The following ASAP2 variants were observed in gnomAD, a reference collection of about 807,000 sequenced individuals.
ASAP2 encodes the protein arf-GAP with SH3 domain, ANK repeat and PH domain-containing protein 2.
A neutral mutation model predicts 131.4 loss-of-function variants in ASAP2; 45 were observed. The ratio of observed to expected loss-of-function variants is 0.34; its 90% CI spans 0.27 to 0.44. The LOEUF is 0.44. Among genes scored for constraint, ASAP2 ranks in the 20% least tolerant of loss-of-function variants. The probability of loss-of-function intolerance (pLI) is 1.00; values close to 1 mark genes in which losing one functional copy is unlikely to be tolerated. For synonymous variants in ASAP2, 510 were observed against 503.0 expected (o/e 1.01, Z -0.19); for missense variants, 1,011 against 1,297.0 (o/e 0.78, Z 3.39).
chr2:9,234,778 A>G (rs886542159), intron 1 of ASAP2, among the ~76,000 whole-genome samples: 8 of 152,202 alleles, frequency 5.3e-5, no homozygotes, highest in Non-Finnish European at 1.2e-4. Flanking sequence ...GCCGATGCAC[A>G]GGGGCCCAGC....
At chr2:9,236,934 A>G (rs1663594879) in intron 1 of ASAP2, among the ~76,000 whole-genome samples, 1 of 152,124 alleles carries the variant, frequency 6.6e-6, no homozygotes, top group Non-Finnish European at 1.5e-5. Context: ...ATCCCCCCCG[A>G]GGCTGGTGTG....
chr2:9,401,483 T>G (rs1298164787), intron 27 of ASAP2, 87 bp downstream of exon 27: 18 of 1,518,976 alleles, frequency 1.2e-5, no homozygotes, highest in Middle Eastern at 2.3e-4. Context: ...GCAGGTGAGG[T>G]TTTCTCAGCC....
intron 1 of ASAP2, among the ~76,000 whole-genome samples, chr2:9,254,225 AAAAAAAAAAAAAT>A (rs1332076854): frequency 2.8e-5 from 3 of 106,920 alleles, no homozygotes; most frequent in South Asian, 2.7e-4. Flanking sequence ...AAAAAAAAAA[AAAAAAAAAAAAAT>A]ATATATATAT....
intron 3 of ASAP2, among the ~76,000 whole-genome samples, chr2:9,312,813 G>A (rs891066831): frequency 1.3e-5 from 2 of 152,102 alleles, no homozygotes; most frequent in South Asian, 2.1e-4. Context: ...CCACCACTGC[G>A]GCCACATGTG....
At chr2:9,294,061 C>T (rs535842729) in intron 2 of ASAP2, among the ~76,000 whole-genome samples, 49 of 148,346 alleles carry the variant, frequency 3.3e-4, no homozygotes, top group African/African-American at 1.0e-3. Context: ...TGCAGTGGTG[C>T]GATCTCTGCC....
At chr2:9,244,076 G>A (rs1558261168) in intron 1 of ASAP2, among the ~76,000 whole-genome samples, 1 of 152,114 alleles carries the variant, frequency 6.6e-6, no homozygotes, top group Non-Finnish European at 1.5e-5. Context: ...GAGGTGGGCG[G>A]CCTATAATCC....
chr2:9,276,540 T>TC (rs896449571), intron 1 of ASAP2, among the ~76,000 whole-genome samples: 1 of 151,984 alleles, frequency 6.6e-6, no homozygotes, highest in African/African-American at 2.4e-5. Context: ...CTTTTTTTTC[T>TC]CTTTTTTTTC....
intron 24 of ASAP2, among the ~76,000 whole-genome samples, chr2:9,397,338 G>A (rs1292035525): frequency 6.6e-6 from 1 of 152,148 alleles, no homozygotes; most frequent in Non-Finnish European, 1.5e-5. Flanking sequence ...CGTTCTAGCT[G>A]GCGGGAGCTG....
intron 1 of ASAP2, among the ~76,000 whole-genome samples, chr2:9,213,283 G>A (rs796110243): frequency 9.2e-5 from 14 of 152,306 alleles, no homozygotes; most frequent in East Asian, 1.9e-4. Context: ...GCCAATGGGC[G>A]GGATCATGGA....
intron 15 of ASAP2, among the ~76,000 whole-genome samples, chr2:9,360,955 T>C (rs1221274568): frequency 6.6e-6 from 1 of 152,174 alleles, no homozygotes; most frequent in Non-Finnish European, 1.5e-5. Context: ...AGAAATTTCA[T>C]GTTCTTCATG....
intron 2 of ASAP2, among the ~76,000 whole-genome samples, chr2:9,290,688 C>G (rs1318287888): frequency 6.6e-6 from 1 of 152,144 alleles, no homozygotes; most frequent in Non-Finnish European, 1.5e-5. Flanking sequence ...AAGTCTTGAG[C>G]CTGGCAGGAT....
chr2:9,344,834 G>GT, intron 11 of ASAP2, 34 bp downstream of exon 11: 3 of 1,584,890 alleles, frequency 1.9e-6, no homozygotes, highest in Non-Finnish European at 2.6e-6. Flanking sequence ...GGTGTCTGCT[G>GT]TATTAGGTGA....
intron 1 of ASAP2, among the ~76,000 whole-genome samples, chr2:9,211,970 T>C (rs1056262689): frequency 2.6e-5 from 4 of 152,218 alleles, no homozygotes; most frequent in Non-Finnish European, 5.9e-5. Context: ...GTTCTGAAAT[T>C]TGAATTTCAG....
intron 15 of ASAP2, among the ~76,000 whole-genome samples, chr2:9,361,974 C>CGCGTGTGTGT (rs753445297): frequency 5.3e-4 from 76 of 143,172 alleles, no homozygotes; most frequent in African/African-American, 1.9e-3. Flanking sequence ...TCTTTCTCTG[C>CGCGTGTGTGT]GTGTGTGTGT....
At chr2:9,302,075 G>A (rs547965133) in intron 3 of ASAP2, among the ~76,000 whole-genome samples, 3 of 149,034 alleles carry the variant, frequency 2.0e-5, no homozygotes, top group East Asian at 3.9e-4. Flanking sequence ...CACCCGCCTT[G>A]GCCTCCCAAA....
Position 9,353,512 on chromosome 2 carries a change from G to A in ASAP2, c.1112-2535G>A, listed in dbSNP as rs986607093. Reference sequence around the variant, plus strand: ...GTTGAGGTTGCAGTGAGTTGTGTTCGTGCCATTGCACTCCAGCTTGGACAA... The same window carrying A: ...GTTGAGGTTGCAGTGAGTTGTGTTCATGCCATTGCACTCCAGCTTGGACAA... On this transcript the variant is annotated intron_variant, in intron 12 of 27. Transcript: ENST00000281419. Among the ~76,000 whole-genome samples the A allele has an allele frequency of 4.0e-5, 6 of 151,842 alleles. No homozygotes were observed. In the South Asian group the frequency reaches 6.2e-4, roughly 16 times the overall value.
intron 9 of ASAP2, among the ~76,000 whole-genome samples, chr2:9,336,792 T>C (rs915570349): frequency 6.6e-6 from 1 of 151,894 alleles, no homozygotes; most frequent in Non-Finnish European, 1.5e-5. Flanking sequence ...GAGGAGGAGG[T>C]AGTGCGAGGG....
chr2:9,380,354 C>T (rs548854337), intron 19 of ASAP2, among the ~76,000 whole-genome samples: 26 of 152,174 alleles, frequency 1.7e-4, no homozygotes, highest in African/African-American at 6.3e-4. Context: ...TGTGCCACCA[C>T]GCCTGGCTAA....
At chr2:9,307,245 A>C (rs1321530691) in intron 3 of ASAP2, among the ~76,000 whole-genome samples, 1 of 151,950 alleles carries the variant, frequency 6.6e-6, no homozygotes, top group Non-Finnish European at 1.5e-5. Context: ...AGGGTTTTGC[A>C]TTTCCTGTTC....
Sources: gnomAD v4.1 joint callset for allele counts (sites outside exome capture counted in the v4.1 genomes callset) on GRCh38, gnomAD v4.1.1 for gene constraint, MANE v1.5 for transcripts, NCBI Gene and HGNC (gene_info 2026-07-23, HGNC 2026-07-21) for gene names.